ETS1: variants seen among roughly 807,000 people sequenced by gnomAD.
ETS1 encodes the protein ETS proto-oncogene 1, transcription factor.
Under a neutral mutation model 58.6 loss-of-function variants are expected in ETS1, and 15 were observed. The observed-to-expected ratio is 0.26, with a 90% CI of 0.17 to 0.39. The LOEUF (loss-of-function observed/expected upper bound fraction) is 0.39. Among genes scored for constraint, ETS1 ranks in the 10% least tolerant of loss-of-function variants. ETS1 has a pLI of 1.00. For missense variants in ETS1, 417 were observed against 610.5 expected (o/e 0.68, Z 3.34); for synonymous variants, 214 against 218.2 (o/e 0.98, Z 0.17).
At position 128,480,296 on chromosome 11, in the gene ETS1, G is replaced by A. The variant is rs1221854026; in HGVS notation, c.1018C>T (p.Pro340Ser). ...AAGGTGCCCTTGGGCTTGTGGTTGG[G>A]CAGGGCAGCCGGATAGTCCTCTGAG... ...FDSEDYPAAL[P>S]NHKPKGTFKD... Residue 340 changes from proline to serine, a missense_variant, in exon 8 of 10, where the codon CCC becomes TCC. Around this residue, in one of 4 missense-constraint regions of ETS1, gnomAD observed 139 missense variants for 152.1 expected, o/e 0.91. Coordinates refer to ENST00000392668, the MANE Select transcript of ETS1 (RefSeq NM_001143820.2). The A allele has an allele frequency of 6.2e-7, 1 of 1,614,136 alleles. No homozygotes were observed. The highest frequency in any genetic ancestry group is 8.5e-7 in the Non-Finnish European group (1 of 1,180,014).
intron 3 of ETS1, among the ~76,000 whole-genome samples, chr11:128,510,540 G>A (rs1863364344): frequency 6.6e-6 from 1 of 152,150 alleles, no homozygotes; most frequent in Non-Finnish European, 1.5e-5. Flanking sequence ...GGTACATGGA[G>A]GGCACCAAGC....
intron 2 of ETS1, among the ~76,000 whole-genome samples, chr11:128,559,949 G>C (rs1365963984): frequency 6.6e-6 from 1 of 152,134 alleles, no homozygotes; most frequent in Non-Finnish European, 1.5e-5. Context: ...AACTGGAGAT[G>C]AGTCAACAAG....
chr11:128,557,823 T>C (rs1591661156), intron 2 of ETS1, among the ~76,000 whole-genome samples: 1 of 152,352 alleles, frequency 6.6e-6, no homozygotes, highest in African/African-American at 2.4e-5. Flanking sequence ...CCCTGAAGAC[T>C]AGCTTGCAAC....
At chr11:128,558,813 A>G (rs900712509) in intron 2 of ETS1, among the ~76,000 whole-genome samples, 1 of 152,244 alleles carries the variant, frequency 6.6e-6, no homozygotes, top group Non-Finnish European at 1.5e-5. Flanking sequence ...ATTCCCAACA[A>G]TAAGCAGGTC....
intron 3 of ETS1, among the ~76,000 whole-genome samples, chr11:128,521,291 G>C (rs1204697205): frequency 2.6e-5 from 4 of 152,218 alleles, no homozygotes; most frequent in African/African-American, 9.6e-5. Context: ...ATTTATGGCA[G>C]ATTAGAAACA....
chr11:128,478,455 G>GAGGA (rs1214297560), intron 8 of ETS1, among the ~76,000 whole-genome samples: 57 of 102,346 alleles, frequency 5.6e-4, no homozygotes, highest in Admixed American at 1.5e-3. Flanking sequence ...GAGAGGGAGG[G>GAGGA]AGGAAGGAAG....
intron 3 of ETS1, chr11:128,522,450 T>C (rs1455031271): frequency 1.5e-6 from 1 of 668,382 alleles, no homozygotes; most frequent in Non-Finnish European, 1.9e-6. Flanking sequence ...GGGCGGGGCG[T>C]CGGGGCAGGG....
intron 1 of ETS1, among the ~76,000 whole-genome samples, chr11:128,577,787 G>A (rs1864780803): frequency 1.3e-5 from 2 of 152,124 alleles, no homozygotes; most frequent in Admixed American, 6.5e-5. Flanking sequence ...TAGCTGGGGA[G>A]TAAATCTTCA....
intron 3 of ETS1, among the ~76,000 whole-genome samples, chr11:128,498,199 C>A (rs1012750582): frequency 6.6e-6 from 1 of 151,982 alleles, no homozygotes; most frequent in Non-Finnish European, 1.5e-5. Context: ...AGGTGCTCAA[C>A]AAATCATTGG....
Position 128,463,440 on chromosome 11 carries a change from C to A in ETS1, c.1242+69G>T. The A allele has an allele frequency of 3.2e-6, 3 of 924,620 alleles. No homozygotes were observed. The South Asian group carries it at 4.1e-5, about 13-fold the overall frequency. 57.3% of individuals were successfully genotyped at this position (924,620 alleles called of 1,614,324 possible). Reference sequence around the variant, plus strand: ...TCCTGGAACACGTCATTCAGGCCCACGCCACCCCTTCCAGGAGTTTTCTCT... The same window carrying A: ...TCCTGGAACACGTCATTCAGGCCCAAGCCACCCCTTCCAGGAGTTTTCTCT... On this transcript the variant is annotated intron_variant, in intron 9 of 9. Coordinates refer to ENST00000392668, the MANE Select transcript of ETS1 (RefSeq NM_001143820.2). This position sits in a 1 kb window ranked among gnomAD's most constrained non-coding sequence, Gnocchi z 4.1.
chr11:128,575,634 A>T (rs866952922), intron 1 of ETS1, among the ~76,000 whole-genome samples: 1 of 152,244 alleles, frequency 6.6e-6, no homozygotes, highest in Non-Finnish European at 1.5e-5. Flanking sequence ...ATCTTCAGGC[A>T]GTGGAATCGA....
At chr11:128,533,583 C>T (rs982330823) in intron 3 of ETS1, among the ~76,000 whole-genome samples, 1 of 152,196 alleles carries the variant, frequency 6.6e-6, no homozygotes, top group Non-Finnish European at 1.5e-5. Context: ...GTTCTTCACT[C>T]TTTTATGCAT....
rs1861883856 is a variant in ETS1 at position 128,460,613 on chromosome 11, A to G, written c.*1748T>C. On this transcript the variant is annotated 3_prime_UTR_variant, in exon 10 of 10. Coordinates refer to ENST00000392668, the MANE Select transcript of ETS1 (RefSeq NM_001143820.2). ...ATAGAGTGAGGGAGATTCTAATTGT[A>G]TTAGGCACTTTTCCTCACTAGTTAG... The G allele has an allele frequency of 6.6e-6, 1 of 152,318 alleles. No individual in the cohort carries two copies. The highest frequency in any genetic ancestry group is 6.5e-5 in the Admixed American group (1 of 15,282). 9.4% of individuals were successfully genotyped at this position (152,318 alleles called of 1,614,324 possible).
At chr11:128,489,581 C>T in intron 4 of ETS1, 91 bp from the exon 5 acceptor site, 3 of 969,090 alleles carry the variant, frequency 3.1e-6, no homozygotes, top group Non-Finnish European at 4.9e-6. Flanking sequence ...CTGAATTTAG[C>T]TGAGAATGCT....
In ETS1 at chr11:128,511,853, C is replaced by T. The variant is rs149536266; in HGVS notation, c.215-21277G>A. 2.3e-3 allele frequency among the ~76,000 whole-genome samples: 353 copies of T among 152,280 alleles called. 1 individual carries two copies. Among genetic ancestry groups the T allele is most frequent in the African/African-American group, 8.2e-3 (340 of 41,558 alleles). On this transcript the variant is annotated intron_variant, in intron 3 of 9. Transcript: ENST00000392668. ...ATGTTCTAACTCTCCGCTTATTTGC[C>T]CTGGAACCTTGGGAGGGTAACTTGG...
chr11:128,499,882 T>C (rs576488709), intron 3 of ETS1, among the ~76,000 whole-genome samples: 47 of 152,168 alleles, frequency 3.1e-4, no homozygotes, highest in Non-Finnish European at 5.9e-4. Context: ...GTTTTCTCCA[T>C]GGGCAAATGA....
chr11:128,560,374 A>G (rs2135562142), intron 2 of ETS1, among the ~76,000 whole-genome samples: 1 of 152,322 alleles, frequency 6.6e-6, no homozygotes, highest in Middle Eastern at 3.4e-3. Context: ...CGGCCTCCCA[A>G]AATGCTGGGA....
chr11:128,489,333 A>G lies in ETS1; in HGVS notation c.492T>C (p.Phe164=), dbSNP rs1300177959. ...KDCFLELAPD[F]VGDILWEHLE... ...GATGTTCCCATAAGATGTCCCCAACAAAGTCTGGGGCCAGCTCGAGAAAGC... is the reference window on the plus strand; with the variant it reads ...GATGTTCCCATAAGATGTCCCCAACGAAGTCTGGGGCCAGCTCGAGAAAGC... The change falls in exon 5 of 10, where the codon TTT becomes TTC. Residue 164 remains phenylalanine (F), a synonymous_variant. Coordinates refer to ENST00000392668, the MANE Select transcript of ETS1 (RefSeq NM_001143820.2). The G allele has an allele frequency of 6.2e-7, 1 of 1,614,174 alleles. No homozygotes were observed. The highest frequency in any genetic ancestry group is 1.1e-5 in the South Asian group (1 of 91,076).
chr11:128,492,628 G>A (rs1397469871), intron 3 of ETS1, among the ~76,000 whole-genome samples: 4 of 152,124 alleles, frequency 2.6e-5, no homozygotes, highest in Admixed American at 1.3e-4. Context: ...AATTGGGGGA[G>A]GGGATAGAAT....
Sources: gnomAD v4.1 joint callset for allele counts (sites outside exome capture counted in the v4.1 genomes callset) on GRCh38, gnomAD v4.1.1 for gene constraint, gnomAD v4.1.1 regional missense constraint, Gnocchi (gnomAD v3.1) non-coding constraint, MANE v1.5 for transcripts, NCBI Gene and HGNC (gene_info 2026-07-23, HGNC 2026-07-21) for gene names.